Variants in BBS9 observed in about 807,000 individuals in gnomAD.
BBS9 encodes the protein Bardet-Biedl syndrome 9, also known as protein PTHB1.
In BBS9, 89 loss-of-function variants were observed where a neutral mutation model predicts 117.7. That is an observed-to-expected ratio of 0.76 (90% CI 0.64 to 0.90). The LOEUF (loss-of-function observed/expected upper bound fraction) is 0.90. Among genes scored for constraint, BBS9 ranks in the 40% least tolerant of loss-of-function variants. The probability of loss-of-function intolerance (pLI) is 0.00; values close to 1 mark genes in which losing one functional copy is unlikely to be tolerated. For missense variants in BBS9, 982 were observed against 1,042.2 expected (o/e 0.94, Z 0.80); for synonymous variants, 379 against 370.9 (o/e 1.02, Z -0.25).
chr7:33,358,077 G>A, intron 16 of BBS9, 82 bp downstream of exon 16: 1 of 1,489,746 alleles, frequency 6.7e-7, no homozygotes, highest in East Asian at 2.3e-5. Context: ...AGATAATGAT[G>A]GGGTAATTAT....
At chr7:33,367,885 T>A (rs778982637) in intron 17 of BBS9, 23 bp downstream of exon 17, 2 of 1,603,360 alleles carry the variant, frequency 1.2e-6, no homozygotes, top group Non-Finnish European at 1.7e-6. Context: ...ATGTTATCAT[T>A]GCTTTTTAAA....
chr7:33,274,576 A>C (rs1262508674), intron 9 of BBS9, among the ~76,000 whole-genome samples: 1 of 152,254 alleles, frequency 6.6e-6, no homozygotes, highest in African/African-American at 2.4e-5. Flanking sequence ...ACTTTTTAGC[A>C]TCTTAGATTA....
chr7:33,144,148 G>T (rs1278065397), intron 1 of BBS9, among the ~76,000 whole-genome samples: 1 of 152,168 alleles, frequency 6.6e-6, no homozygotes, highest in Admixed American at 6.5e-5. Context: ...CTGGTTGCAT[G>T]GTTAACATGT....
chr7:33,437,870 C>A (rs570760093), intron 19 of BBS9, among the ~76,000 whole-genome samples: 1 of 152,096 alleles, frequency 6.6e-6, no homozygotes, highest in African/African-American at 2.4e-5. Flanking sequence ...AGTGAGACTC[C>A]GTTGCAAAAA....
intron 9 of BBS9, among the ~76,000 whole-genome samples, chr7:33,322,688 T>G (rs1263664004): frequency 6.6e-6 from 1 of 152,056 alleles, no homozygotes; most frequent in African/African-American, 2.4e-5. Context: ...AAAAATAACC[T>G]TTTCTTTCAT....
At chr7:33,443,119 T>C (rs1836463110) in intron 19 of BBS9, among the ~76,000 whole-genome samples, 2 of 152,158 alleles carry the variant, frequency 1.3e-5, no homozygotes, top group African/African-American at 4.8e-5. Flanking sequence ...GTAGTAGAAC[T>C]GGCACCATTA....
intron 7 of BBS9, among the ~76,000 whole-genome samples, chr7:33,270,332 A>T (rs758567326): frequency 9.9e-5 from 15 of 152,206 alleles, no homozygotes; most frequent in Admixed American, 2.6e-4. Flanking sequence ...GATCGCACTA[A>T]TTCTACAGCA....
At chr7:33,490,385 A>T (rs143632101) in intron 19 of BBS9, among the ~76,000 whole-genome samples, 109 of 152,160 alleles carry the variant, frequency 7.2e-4, no homozygotes, top group African/African-American at 2.4e-3. Flanking sequence ...GTGTTTTAAC[A>T]GAGAAGCTTT....
intron 21 of BBS9, among the ~76,000 whole-genome samples, chr7:33,534,660 T>G (rs1371406361): frequency 6.6e-6 from 1 of 152,104 alleles, no homozygotes; most frequent in Non-Finnish European, 1.5e-5. Context: ...TGAGCAGGCT[T>G]CAGAGCCCAG....
intron 20 of BBS9, among the ~76,000 whole-genome samples, chr7:33,507,446 G>C (rs1336487865): frequency 6.6e-6 from 1 of 152,070 alleles, no homozygotes; most frequent in African/African-American, 2.4e-5. Flanking sequence ...GTTTCACTGT[G>C]TTGGCCAGGC....
In BBS9 at chr7:33,533,976, C is replaced by T; in HGVS notation, c.2321C>T (p.Ala774Val). The T allele has an allele frequency of 6.2e-7, 1 of 1,614,204 alleles. No individual in the cohort carries two copies. Among genetic ancestry groups the T allele is most frequent in the South Asian group, 1.1e-5 (1 of 91,076 alleles). ...CAGGGCTGGGAAGAAACGGTGGATG[C>T]CGCCATTTCCCACCTGTTGAAGACT... ...QELGWEETVDAAISHLLKTCL... is the reference protein window; with the variant it reads ...QELGWEETVDVAISHLLKTCL... The change falls in exon 21 of 23, where the codon GCC becomes GTC. Residue 774 changes from alanine to valine, a missense_variant. Physicochemically the swap from Ala to Val is moderately conservative, Grantham distance 64. Coordinates refer to ENST00000242067, the MANE Select transcript of BBS9 (RefSeq NM_198428.3).
chr7:33,204,026 A>G (rs998574783), intron 5 of BBS9, among the ~76,000 whole-genome samples: 1 of 149,314 alleles, frequency 6.7e-6, no homozygotes, highest in African/African-American at 2.4e-5. Context: ...CCCGGCCAGA[A>G]CGAACACTAC....
At chr7:33,261,509 C>A (rs1430709667) in intron 6 of BBS9, among the ~76,000 whole-genome samples, 1 of 152,168 alleles carries the variant, frequency 6.6e-6, no homozygotes, top group Non-Finnish European at 1.5e-5. Context: ...CATAATAATG[C>A]TCTGTGTCTC....
intron 9 of BBS9, among the ~76,000 whole-genome samples, chr7:33,280,450 A>C (rs144063188): frequency 6.6e-6 from 1 of 152,048 alleles, no homozygotes; most frequent in Admixed American, 6.6e-5. Context: ...TGTTTCCCCC[A>C]TATCTTTTCT....
At chr7:33,288,577 C>G (rs1010301714) in intron 9 of BBS9, among the ~76,000 whole-genome samples, 3 of 152,114 alleles carry the variant, frequency 2.0e-5, no homozygotes, top group Non-Finnish European at 4.4e-5. Flanking sequence ...ACTTATTACC[C>G]TTTTTCCTCT....
rs556372089 is a variant in BBS9 at position 33,262,295 on chromosome 7, A to G, written c.618-1995A>G. On this transcript the variant is annotated intron_variant, in intron 6 of 22. Transcript: ENST00000242067. ...TAAAATAATGACCATAGTTATATAT[A>G]TAAGCTTCAAACAGCTCAAAGAGTT... Among the ~76,000 whole-genome samples, 143 of 152,302 alleles carry G rather than the reference A, an allele frequency of 9.4e-4. 5 individuals are homozygous for G. In the South Asian group the frequency reaches 0.016, roughly 17 times the overall value.
At chr7:33,449,995 C>T (rs907624676) in intron 19 of BBS9, among the ~76,000 whole-genome samples, 1 of 152,162 alleles carries the variant, frequency 6.6e-6, no homozygotes, top group African/African-American at 2.4e-5. Flanking sequence ...GACTGAAACC[C>T]TACATACATT....
intron 10 of BBS9, among the ~76,000 whole-genome samples, chr7:33,339,453 T>C (rs933542808): frequency 3.9e-5 from 6 of 152,342 alleles, no homozygotes; most frequent in African/African-American, 1.4e-4. Flanking sequence ...CAGCCATTTG[T>C]ACTCTCATTA....
chr7:33,626,050 G>T (rs919023629), intron 21 of BBS9, among the ~76,000 whole-genome samples: 2 of 152,186 alleles, frequency 1.3e-5, no homozygotes, highest in African/African-American at 4.8e-5. Context: ...AATTCTCAGT[G>T]TTGGAGGAGA....
Sources: allele counts gnomAD v4.1 joint callset (sites outside exome capture counted in the v4.1 genomes callset), GRCh38; gene constraint gnomAD v4.1.1; transcripts MANE v1.5; gene names NCBI Gene and HGNC (gene_info 2026-07-23, HGNC 2026-07-21).